GRID1: variants seen among roughly 807,000 people sequenced by gnomAD.
GRID1 encodes glutamate receptor ionotropic, delta-1.
GRID1 carries 28 observed loss-of-function variants against 98.0 expected under a neutral mutation model. That is an observed-to-expected ratio of 0.29 (90% CI 0.21 to 0.39). The LOEUF (loss-of-function observed/expected upper bound fraction) is 0.39, where lower values mean the gene tolerates loss of function less well. Among genes scored for constraint, GRID1 ranks in the 10% least tolerant of loss-of-function variants. GRID1 has a pLI of 1.00. For synonymous variants in GRID1, 553 were observed against 538.5 expected, an observed-to-expected ratio of 1.03 and a Z score of -0.37; for missense variants, 1,111 against 1,340.5, an observed-to-expected ratio of 0.83 and a Z score of 2.67.
chr10:85,764,771 T>C (rs1458960447), intron 8 of GRID1, among the ~76,000 whole-genome samples: 2 of 152,224 alleles, frequency 1.3e-5, no homozygotes, highest in African/African-American at 4.8e-5. Context: ...ATAGCTTGCA[T>C]TGTGTTTAAC....
In GRID1 at chr10:86,158,943, G is replaced by A. The variant is rs774228542; in HGVS notation, c.521-19919C>T. 2.0e-5 allele frequency among the ~76,000 whole-genome samples: 3 copies of A among 152,248 alleles called. No individual in the cohort carries two copies. In the South Asian group the frequency reaches 6.2e-4, roughly 32 times the overall value. Reference sequence around the variant, plus strand: ...GAGTCTCACTCTGTCGCCCAGGCTGGAGTGCAGTGGCGCGATCTTGGCTCA... The same window carrying A: ...GAGTCTCACTCTGTCGCCCAGGCTGAAGTGCAGTGGCGCGATCTTGGCTCA... On this transcript the variant is annotated intron_variant, in intron 3 of 15. Transcript: ENST00000327946.
At chr10:85,840,185 C>A (rs972737354) in intron 8 of GRID1, among the ~76,000 whole-genome samples, 37 of 152,132 alleles carry the variant, frequency 2.4e-4, no homozygotes, top group African/African-American at 8.0e-4. Context: ...CTAAGAAGAG[C>A]TGGTACTATT....
intron 4 of GRID1, among the ~76,000 whole-genome samples, chr10:86,092,137 C>A (rs752543008): frequency 2.6e-5 from 4 of 152,152 alleles, no homozygotes; most frequent in Non-Finnish European, 5.9e-5. Flanking sequence ...AAGAAGAAAT[C>A]CCAGATTTAC....
At chr10:85,873,773 G>T (rs766188523) in intron 5 of GRID1, among the ~76,000 whole-genome samples, 17 of 152,196 alleles carry the variant, frequency 1.1e-4, no homozygotes, top group African/African-American at 2.2e-4. Flanking sequence ...AAACTTCGTT[G>T]TGTATCAGTA....
intron 2 of GRID1, among the ~76,000 whole-genome samples, chr10:86,328,685 T>C (rs898366928): frequency 2.0e-5 from 3 of 152,308 alleles, no homozygotes; most frequent in Non-Finnish European, 4.4e-5. Context: ...AGGTTCCCTA[T>C]AGATTATCTC....
chr10:86,013,852 C>A (rs1454633006), intron 4 of GRID1, among the ~76,000 whole-genome samples: 2 of 152,118 alleles, frequency 1.3e-5, no homozygotes, highest in Non-Finnish European at 2.9e-5. Context: ...CTTGTATGAA[C>A]CTGCAAAACT....
chr10:85,880,422 C>G (rs150962714), intron 5 of GRID1, among the ~76,000 whole-genome samples: 4 of 152,160 alleles, frequency 2.6e-5, no homozygotes, highest in Non-Finnish European at 5.9e-5. Context: ...AGCTTGTCCA[C>G]CATGATCCAG....
chr10:86,275,232 G>C (rs1323249204), intron 2 of GRID1, among the ~76,000 whole-genome samples: 1 of 152,014 alleles, frequency 6.6e-6, no homozygotes, highest in Non-Finnish European at 1.5e-5. Flanking sequence ...CAATCTTTGA[G>C]AAAGTTACTA....
At chr10:85,879,380 TC>T (rs1743425821) in intron 5 of GRID1, among the ~76,000 whole-genome samples, 2 of 152,130 alleles carry the variant, frequency 1.3e-5, no homozygotes, top group Admixed American at 1.3e-4. Flanking sequence ...AGTAAAGCAC[TC>T]CTCAACAAAT....
intron 2 of GRID1, among the ~76,000 whole-genome samples, chr10:86,308,037 T>A (rs1055878517): frequency 6.6e-6 from 1 of 152,154 alleles, no homozygotes; most frequent in Non-Finnish European, 1.5e-5. Context: ...TTATACCCAT[T>A]GAACAACAGC....
chr10:86,013,003 T>G (rs1200911815), intron 4 of GRID1, among the ~76,000 whole-genome samples: 1 of 152,204 alleles, frequency 6.6e-6, no homozygotes, highest in Non-Finnish European at 1.5e-5. Context: ...TGCTGGATCT[T>G]GACTAATCCT....
chr10:85,834,009 C>A (rs1231718094), intron 8 of GRID1, among the ~76,000 whole-genome samples: 1 of 152,074 alleles, frequency 6.6e-6, no homozygotes, highest in African/African-American at 2.4e-5. Context: ...AGATCCAACG[C>A]CAACATTAAT....
intron 8 of GRID1, among the ~76,000 whole-genome samples, chr10:85,771,880 T>A (rs1041202155): frequency 2.0e-5 from 3 of 152,094 alleles, no homozygotes; most frequent in African/African-American, 7.2e-5. Flanking sequence ...GTGGGAGACT[T>A]TAACACCCCA....
chr10:86,131,263 T>A (rs1316553538), intron 4 of GRID1, among the ~76,000 whole-genome samples: 1 of 151,486 alleles, frequency 6.6e-6, no homozygotes, highest in Admixed American at 6.6e-5. Context: ...CTGACTCACC[T>A]CAGGCTCAGA....
intron 5 of GRID1, among the ~76,000 whole-genome samples, chr10:85,895,683 A>G (rs745810072): frequency 9.2e-5 from 14 of 152,176 alleles, no homozygotes; most frequent in Non-Finnish European, 2.1e-4. Flanking sequence ...CCTGCAGCCA[A>G]TATTTGGGTG....
intron 2 of GRID1, among the ~76,000 whole-genome samples, chr10:86,304,033 C>T (rs1847725682): frequency 6.6e-6 from 1 of 152,232 alleles, no homozygotes; most frequent in South Asian, 2.1e-4. Context: ...CAGCTGGAGA[C>T]TCTTGCAGGC....
intron 8 of GRID1, among the ~76,000 whole-genome samples, chr10:85,772,120 G>A (rs1435406742): frequency 6.6e-6 from 1 of 152,080 alleles, no homozygotes; most frequent in Admixed American, 6.5e-5. Flanking sequence ...ATAACAAACT[G>A]TCTCTCAGAC....
chr10:85,650,334 A>G (rs995381954), intron 12 of GRID1: 2 of 152,238 alleles, frequency 1.3e-5, no homozygotes, highest in African/African-American at 4.8e-5. Context: ...ACTTTTCTGA[A>G]GTCAGTCTCT....
intron 2 of GRID1, among the ~76,000 whole-genome samples, chr10:86,322,937 C>CAA (rs569913560): frequency 5.2e-5 from 7 of 135,348 alleles, no homozygotes; most frequent in African/African-American, 1.9e-4. Flanking sequence ...ACTAAAAATA[C>CAA]AAAAAAAAAA....
Sources: allele counts gnomAD v4.1 joint callset (sites outside exome capture counted in the v4.1 genomes callset), GRCh38; gene constraint gnomAD v4.1.1; transcripts MANE v1.5; gene names NCBI Gene and HGNC (gene_info 2026-07-23, HGNC 2026-07-21).